The following GATA4 variants were observed in gnomAD, a reference collection of about 807,000 sequenced individuals.
The protein encoded by GATA4 is transcription factor GATA-4.
A neutral mutation model predicts 37.9 loss-of-function variants in GATA4; 7 were observed. That is an observed-to-expected ratio of 0.18 (90% CI 0.11 to 0.35). GATA4 has a LOEUF of 0.35. GATA4 is among the 10% of genes least tolerant of loss of function. The pLI, the probability that GATA4 is intolerant of heterozygous loss-of-function variation, is 1.00. For synonymous variants in GATA4, 372 were observed against 292.6 expected, an observed-to-expected ratio of 1.27 and a Z score of -2.77; for missense variants, 647 against 653.0, an observed-to-expected ratio of 0.99 and a Z score of 0.10.
At chr8:11,704,390 A>C (rs1490756060) in intron 1 of GATA4, 86 bp downstream of exon 1, 4 of 152,166 alleles carry the variant, frequency 2.6e-5, no homozygotes, top group Non-Finnish European at 1.5e-5. Flanking sequence ...CTGGAGGTAG[A>C]GAGGTAGCTA....
At chr8:11,706,534 A>G (rs1393111646) in intron 1 of GATA4, among the ~76,000 whole-genome samples, 2 of 152,236 alleles carry the variant, frequency 1.3e-5, no homozygotes, top group Non-Finnish European at 2.9e-5. Context: ...TAATATCTGC[A>G]TTTTGCAGAT....
intron 2 of GATA4, among the ~76,000 whole-genome samples, chr8:11,748,003 G>T (rs1234486024): frequency 6.6e-6 from 1 of 152,182 alleles, no homozygotes; most frequent in Non-Finnish European, 1.5e-5. Flanking sequence ...TGAGGCGGGT[G>T]GACCATTTGA....
At chr8:11,681,200 G>A in intron 1 of GATA4, 1 of 985,344 alleles carries the variant, frequency 1.0e-6, no homozygotes, top group Non-Finnish European at 1.2e-6. Flanking sequence ...CCTGGCCCGC[G>A]CGGGATCTGG....
At chr8:11,748,267 A>G (rs1193696925) in intron 2 of GATA4, among the ~76,000 whole-genome samples, 1 of 151,786 alleles carries the variant, frequency 6.6e-6, no homozygotes, top group East Asian at 1.9e-4. Flanking sequence ...TGGCTCATGC[A>G]TGTAGTCTCA....
chr8:11,712,046 G>T (rs114557758), intron 2 of GATA4, among the ~76,000 whole-genome samples: 1 of 152,096 alleles, frequency 6.6e-6, no homozygotes, highest in Non-Finnish European at 1.5e-5. Flanking sequence ...TACCTCTCTC[G>T]GTCTCACCTC....
At chr8:11,728,144 C>T (rs763897832) in intron 2 of GATA4, among the ~76,000 whole-genome samples, 17 of 152,136 alleles carry the variant, frequency 1.1e-4, no homozygotes, top group African/African-American at 4.1e-4. Flanking sequence ...GCGCCTACCA[C>T]CACACCAGCT....
In GATA4 at chr8:11,683,035, G is replaced by C; in HGVS notation, c.-274+5972G>C. ...AGGTGGAAACAGCCTCGGTGCGCGG[G>C]GGTTTCTCGACAGCTCTCTGGTGTC... On this transcript the variant is annotated intron_variant, in intron 1 of 6. Transcript: ENST00000528712. 3 of 984,530 alleles carry C rather than the reference G, an allele frequency of 3.0e-6. 1 individual carries two copies. In the South Asian group the frequency reaches 1.4e-4, roughly 46 times the overall value. The allele number at this position is 984,530 out of a possible 1,614,324, so 61.0% of individuals were successfully genotyped here. A position where few individuals can be genotyped will look rare whatever the true frequency, so the allele number is the denominator to read the frequency against.
chr8:11,711,965 G>A (rs957098389), intron 2 of GATA4, among the ~76,000 whole-genome samples: 1 of 152,190 alleles, frequency 6.6e-6, no homozygotes, highest in East Asian at 1.9e-4. Context: ...GGTGGGAGGA[G>A]CACAGGGTTT....
At chr8:11,714,040 T>A (rs529402244) in intron 2 of GATA4, among the ~76,000 whole-genome samples, 1 of 152,298 alleles carries the variant, frequency 6.6e-6, no homozygotes, top group East Asian at 1.9e-4. Flanking sequence ...TTAATGCTTG[T>A]GAGTACTTAA....
At chr8:11,713,864 T>C (rs1800313031) in intron 2 of GATA4, among the ~76,000 whole-genome samples, 1 of 152,212 alleles carries the variant, frequency 6.6e-6, no homozygotes, top group African/African-American at 2.4e-5. Context: ...TGCATGTGCC[T>C]GTGAAACGGA....
At chr8:11,744,498 G>T (rs779287094) in intron 2 of GATA4, among the ~76,000 whole-genome samples, 3 of 152,226 alleles carry the variant, frequency 2.0e-5, no homozygotes, top group Non-Finnish European at 4.4e-5. Context: ...CTTGCCCCCA[G>T]GGAAGTTCCT....
At position 11,709,572 on chromosome 8, in the gene GATA4, C is replaced by T. The variant is rs1441045488; in HGVS notation, c.616+644C>T. 2.0e-5 allele frequency among the ~76,000 whole-genome samples: 1 copy of T among 49,026 alleles called. No homozygotes were observed. Among genetic ancestry groups the T allele is most frequent in the Non-Finnish European group, 4.4e-5 (1 of 22,924 alleles). The allele number at this position is 49,026 out of a possible 152,430, so 32.2% of individuals were successfully genotyped here. On this transcript the variant is annotated intron_variant, in intron 2 of 6. Coordinates refer to ENST00000532059, the MANE Select transcript of GATA4 (RefSeq NM_001308093.3). This position sits in a 1 kb window ranked among gnomAD's most constrained non-coding sequence, Gnocchi z 4.3. The stretch of plus-strand genomic sequence containing the variant: ...CGAGCGCGTGGGCGCATCATGCGGG[C>T]AGCGGGGGGGGGGGCGCACACGCCC...
At chr8:11,752,779 G>A (rs1802365559) in intron 4 of GATA4, among the ~76,000 whole-genome samples, 1 of 152,128 alleles carries the variant, frequency 6.6e-6, no homozygotes, top group South Asian at 2.1e-4. Context: ...ATCTTTTCAT[G>A]ATTTCTTGTT....
At chr8:11,750,560 C>A (rs1045128934) in intron 4 of GATA4, among the ~76,000 whole-genome samples, 1 of 152,234 alleles carries the variant, frequency 6.6e-6, no homozygotes, top group Non-Finnish European at 1.5e-5. Flanking sequence ...AGAAGGAAAG[C>A]ATGACCTCTA....
chr8:11,698,132 C>G (rs983425020), intron 1 of GATA4: 1 of 458,808 alleles, frequency 2.2e-6, no homozygotes, highest in Non-Finnish European at 2.9e-6. Context: ...TCTGCGTCGC[C>G]AAGTCTCTTG....
intron 5 of GATA4, chr8:11,756,368 G>A (rs779863081): frequency 1.8e-5 from 3 of 168,270 alleles, no homozygotes; most frequent in Non-Finnish European, 3.9e-5. Flanking sequence ...TACTGCTGAC[G>A]AGTCCCCTAT....
intron 2 of GATA4, among the ~76,000 whole-genome samples, chr8:11,740,080 T>G (rs897630905): frequency 3.3e-5 from 5 of 152,102 alleles, no homozygotes; most frequent in African/African-American, 9.7e-5. Flanking sequence ...CAAGTGCTGA[T>G]CCCCAGCCAG....
chr8:11,738,376 C>G (rs778395601), intron 2 of GATA4, among the ~76,000 whole-genome samples: 2 of 151,926 alleles, frequency 1.3e-5, no homozygotes, highest in Non-Finnish European at 2.9e-5. Context: ...ATAAACAAAT[C>G]CATGTATAGA....
intron 2 of GATA4, among the ~76,000 whole-genome samples, chr8:11,736,624 T>A (rs1306209265): frequency 2.6e-5 from 4 of 151,952 alleles, no homozygotes; most frequent in Non-Finnish European, 5.9e-5. Context: ...CCTGGAGGAG[T>A]GGTGGGCAGA....
Sources: allele counts gnomAD v4.1 joint callset (sites outside exome capture counted in the v4.1 genomes callset), GRCh38; gene constraint gnomAD v4.1.1; non-coding constraint Gnocchi (gnomAD v3.1); transcripts MANE v1.5; gene names NCBI Gene and HGNC (gene_info 2026-07-23, HGNC 2026-07-21).